The following CCAR1 variants were observed in gnomAD, a reference collection of about 807,000 sequenced individuals.
CCAR1 encodes cell division cycle and apoptosis regulator protein 1.
CCAR1 carries 78 observed loss-of-function variants against 163.8 expected under a neutral mutation model. The ratio of observed to expected loss-of-function variants is 0.48; its 90% CI spans 0.40 to 0.57. The LOEUF (loss-of-function observed/expected upper bound fraction) is 0.57. Ranked by LOEUF, CCAR1 falls within the 20% of genes least tolerant of loss-of-function variation. The pLI, the probability that CCAR1 is intolerant of heterozygous loss-of-function variation, is 0.00. For missense variants in CCAR1, 1,019 were observed against 1,365.2 expected (o/e 0.75, Z 4.00); for synonymous variants, 443 against 460.7 (o/e 0.96, Z 0.49).
intron 8 of CCAR1, among the ~76,000 whole-genome samples, chr10:68,747,849 A>G (rs1331828951): frequency 6.6e-6 from 1 of 152,078 alleles, no homozygotes; most frequent in East Asian, 1.9e-4. Flanking sequence ...TTTTTTTGCA[A>G]ATTGATTGTT....
chr10:68,760,963 C>T lies in CCAR1; in HGVS notation c.1921-44C>T, dbSNP rs113728206. On this transcript the variant is annotated intron_variant, in intron 15 of 24. Transcript: ENST00000265872. ...TCAATATCCGCTGCCCCCCGCCCCC[C>T]GCCACCTTTTTTTTTTCCGTGTTTT... 581 of 893,760 alleles carry T rather than the reference C, an allele frequency of 6.5e-4. 6 individuals are homozygous for T. In the African/African-American group the frequency reaches 8.8e-3, roughly 14 times the overall value. 55.4% of individuals were successfully genotyped at this position (893,760 alleles called of 1,614,324 possible). A position where few individuals can be genotyped will look rare whatever the true frequency, so the allele number is the denominator to read the frequency against.
At chr10:68,768,901 A>T (rs1589181716) in intron 17 of CCAR1, among the ~76,000 whole-genome samples, 1 of 152,210 alleles carries the variant, frequency 6.6e-6, no homozygotes, top group African/African-American at 2.4e-5. Context: ...TCAGAAAATG[A>T]TCTGATTAAC....
At chr10:68,769,308 A>G (rs2056572253) in intron 17 of CCAR1, among the ~76,000 whole-genome samples, 1 of 152,116 alleles carries the variant, frequency 6.6e-6, no homozygotes, top group Non-Finnish European at 1.5e-5. Flanking sequence ...GTTGAAAGCA[A>G]TGGACTTTAG....
At chr10:68,723,968 G>T (rs1196368857) in intron 2 of CCAR1, among the ~76,000 whole-genome samples, 1 of 151,114 alleles carries the variant, frequency 6.6e-6, no homozygotes, top group Non-Finnish European at 1.5e-5. Context: ...AGACCAGCCT[G>T]ACCAACATGG....
chr10:68,750,207 CTTT>C (rs869136324), intron 10 of CCAR1, among the ~76,000 whole-genome samples: 5 of 116,558 alleles, frequency 4.3e-5, no homozygotes, highest in Non-Finnish European at 9.1e-5. Context: ...TTTCTTTTTT[CTTT>C]TTTCTTTTTT....
At chr10:68,740,715 A>G in intron 5 of CCAR1, 54 bp downstream of exon 5, 1 of 1,343,120 alleles carries the variant, frequency 7.4e-7, no homozygotes, top group Non-Finnish European at 1.0e-6. Context: ...AGTAGACTAA[A>G]GCTTTATTAG....
intron 10 of CCAR1, 136 bp from the exon 11 acceptor site, chr10:68,753,716 A>G (rs371018657): frequency 4.0e-5 from 26 of 645,958 alleles, no homozygotes; most frequent in South Asian, 2.3e-4. Flanking sequence ...ATGCAAATCT[A>G]TAGCTCATTA....
intron 4 of CCAR1, among the ~76,000 whole-genome samples, chr10:68,739,270 C>A (rs1464731865): frequency 6.6e-6 from 1 of 152,152 alleles, no homozygotes; most frequent in Admixed American, 6.5e-5. Flanking sequence ...CTGCCTCAGC[C>A]TCCTGAGTAG....
At chr10:68,749,917 CCT>C (rs1422554760) in intron 10 of CCAR1, among the ~76,000 whole-genome samples, 2 of 152,114 alleles carry the variant, frequency 1.3e-5, no homozygotes, top group African/African-American at 4.8e-5. Flanking sequence ...CAAGGAAATT[CCT>C]CTGTCATAAC....
chr10:68,745,523 G>A (rs2056241612), intron 6 of CCAR1, among the ~76,000 whole-genome samples: 1 of 151,680 alleles, frequency 6.6e-6, no homozygotes, highest in Non-Finnish European at 1.5e-5. Context: ...GAGTGCAATG[G>A]CATGATCTCG....
At chr10:68,745,513 G>C (rs188740004) in intron 6 of CCAR1, among the ~76,000 whole-genome samples, 83 of 151,664 alleles carry the variant, frequency 5.5e-4, no homozygotes, top group African/African-American at 1.9e-3. Context: ...GCCCAGGTTG[G>C]AGTGCAATGG....
At chr10:68,751,445 G>A (rs1320883477) in intron 10 of CCAR1, among the ~76,000 whole-genome samples, 1 of 152,102 alleles carries the variant, frequency 6.6e-6, no homozygotes, top group Non-Finnish European at 1.5e-5. Flanking sequence ...ACTTTTCCCA[G>A]CCTCAAAGAT....
intron 24 of CCAR1, among the ~76,000 whole-genome samples, chr10:68,790,250 G>A (rs149063970): frequency 3.3e-5 from 5 of 151,938 alleles, no homozygotes; most frequent in East Asian, 1.9e-4. Flanking sequence ...CTAGCTACCC[G>A]GAAGGCTGAG....
At chr10:68,790,653 T>C (rs556849950) in intron 24 of CCAR1, among the ~76,000 whole-genome samples, 1 of 152,112 alleles carries the variant, frequency 6.6e-6, no homozygotes, top group East Asian at 1.9e-4. Flanking sequence ...CTCAGCCTCC[T>C]GATGAGCTGG....
At chr10:68,758,768 GT>G (rs1471087251) in intron 15 of CCAR1, among the ~76,000 whole-genome samples, 1 of 151,450 alleles carries the variant, frequency 6.6e-6, no homozygotes, top group African/African-American at 2.4e-5. Context: ...TGCCTCCCGG[GT>G]TCAAGAGATT....
intron 10 of CCAR1, 32 bp downstream of exon 10, chr10:68,749,717 G>C (rs1374345600): frequency 2.6e-6 from 4 of 1,543,360 alleles, no homozygotes; most frequent in Non-Finnish European, 3.5e-6. Context: ...GTTTTCTTGA[G>C]TTACTAATTT....
At chr10:68,731,940 G>T (rs2056045210) in intron 2 of CCAR1, among the ~76,000 whole-genome samples, 2 of 152,154 alleles carry the variant, frequency 1.3e-5, no homozygotes, top group South Asian at 4.1e-4. Context: ...GTGTAGAAAA[G>T]AGAAGTGTGG....
intron 16 of CCAR1, among the ~76,000 whole-genome samples, chr10:68,762,460 C>G (rs1192645865): frequency 6.6e-6 from 1 of 152,058 alleles, no homozygotes; most frequent in African/African-American, 2.4e-5. Flanking sequence ...TTGAGTCAAA[C>G]CTTGAGACTC....
chr10:68,754,900 T>G lies in CCAR1; in HGVS notation c.1458+73T>G, dbSNP rs534871608. ...GCTGTAACTTTGTACACATAAAATC[T>G]AAAGCCCTACATTTTAATATTTGTT... On this transcript the variant is annotated intron_variant, in intron 12 of 24. Coordinates refer to ENST00000265872, the MANE Select transcript of CCAR1 (RefSeq NM_018237.4). 253 of 800,844 alleles carry G rather than the reference T, an allele frequency of 3.2e-4. 2 individuals are homozygous for G. In the South Asian group the frequency reaches 3.6e-3, roughly 11 times the overall value. 49.6% of individuals were successfully genotyped at this position (800,844 alleles called of 1,614,324 possible). A position where few individuals can be genotyped will look rare whatever the true frequency, so the allele number is the denominator to read the frequency against.
Sources: gnomAD v4.1 joint callset for allele counts (sites outside exome capture counted in the v4.1 genomes callset) on GRCh38, gnomAD v4.1.1 for gene constraint, MANE v1.5 for transcripts, NCBI Gene and HGNC (gene_info 2026-07-23, HGNC 2026-07-21) for gene names.